Variants in SLC30A6 observed in about 807,000 individuals in gnomAD.
The protein encoded by SLC30A6 is zinc transporter 6.
SLC30A6 carries 55 observed loss-of-function variants against 63.0 expected under a neutral mutation model. The ratio of observed to expected loss-of-function variants is 0.87; its 90% CI spans 0.70 to 1.09. The LOEUF is 1.09. Ranked by LOEUF, SLC30A6 falls within the 50% of genes least tolerant of loss-of-function variation. The pLI is 0.00. For missense variants in SLC30A6, 587 were observed against 549.2 expected (o/e 1.07, Z -0.69); for synonymous variants, 224 against 186.1 (o/e 1.20, Z -1.66).
intron 4 of SLC30A6, among the ~76,000 whole-genome samples, chr2:32,178,391 G>T (rs370765434): frequency 2.0e-5 from 3 of 152,056 alleles, no homozygotes; most frequent in South Asian, 4.2e-4. Context: ...ACCAGTTCAC[G>T]GGCCAAGTGT....
chr2:32,186,661 C>T (rs978424623), intron 5 of SLC30A6, among the ~76,000 whole-genome samples: 2 of 150,678 alleles, frequency 1.3e-5, no homozygotes, highest in Non-Finnish European at 2.9e-5. Flanking sequence ...CACTGCACAC[C>T]AGCCTGGGTG....
intron 12 of SLC30A6, among the ~76,000 whole-genome samples, chr2:32,208,739 C>T (rs1000734687): frequency 2.0e-5 from 3 of 152,080 alleles, no homozygotes; most frequent in Non-Finnish European, 4.4e-5. Context: ...GACTCGAACT[C>T]CTGGCCTCAA....
chr2:32,210,659 G>A (rs886267631), intron 13 of SLC30A6, among the ~76,000 whole-genome samples: 1 of 151,336 alleles, frequency 6.6e-6, no homozygotes, highest in Non-Finnish European at 1.5e-5. Flanking sequence ...AACAGATAGG[G>A]TTTGATTTTT....
At chr2:32,186,032 T>A (rs999862299) in intron 5 of SLC30A6, among the ~76,000 whole-genome samples, 12 of 151,414 alleles carry the variant, frequency 7.9e-5, no homozygotes, top group African/African-American at 2.4e-4. Context: ...CACCCAGACT[T>A]TTTTTCTTTT....
In SLC30A6 at chr2:32,203,438, C is replaced by T. The variant is rs188308530; in HGVS notation, c.666-1152C>T. The T allele has an allele frequency of 4.0e-6, 6 of 1,504,504 alleles. No individual in the cohort carries two copies. In the African/African-American group the frequency reaches 8.2e-5, roughly 21 times the overall value. 93.2% of individuals were successfully genotyped at this position (1,504,504 alleles called of 1,614,324 possible). A position where few individuals can be genotyped will look rare whatever the true frequency, so the allele number is the denominator to read the frequency against. The stretch of plus-strand genomic sequence containing the variant: ...TTATGCTGCTGTTGATTTTTTCCAA[C>T]CATCAGCTCAGATACTGACAGAAGA... On this transcript the variant is annotated intron_variant, in intron 10 of 13. Transcript: ENST00000282587.
intron 5 of SLC30A6, among the ~76,000 whole-genome samples, chr2:32,191,704 C>T (rs999565766): frequency 1.3e-5 from 2 of 151,990 alleles, no homozygotes; most frequent in African/African-American, 4.8e-5. Flanking sequence ...TTTTCTTCTT[C>T]GTGTCCTAAA....
At position 32,222,736 on chromosome 2, in the gene SLC30A6, TG is replaced by T. The variant is rs1686207777; in HGVS notation, c.*2024del. 1 of 152,210 alleles carries T rather than the reference TG, an allele frequency of 6.6e-6. No individual in the cohort carries two copies. The highest frequency in any genetic ancestry group is 1.5e-5 in the Non-Finnish European group (1 of 68,042). 9.4% of individuals were successfully genotyped at this position (152,210 alleles called of 1,614,324 possible). A position where few individuals can be genotyped will look rare whatever the true frequency, so the allele number is the denominator to read the frequency against. On this transcript the variant is annotated 3_prime_UTR_variant, in exon 14 of 14. Coordinates refer to ENST00000282587, the MANE Select transcript of SLC30A6 (RefSeq NM_017964.5). The stretch of plus-strand genomic sequence containing the variant: ...TTATCTTATGTTTTCCAACTATTAC[TG>T]TATCTGTTATTGGTCTACTATTACA...
At position 32,209,500 on chromosome 2, in the gene SLC30A6, C is replaced by T. The variant is rs139073294; in HGVS notation, c.824C>T (p.Thr275Ile). The T allele has an allele frequency of 2.5e-5, 41 of 1,612,026 alleles. No individual in the cohort carries two copies. In the Admixed American group the frequency reaches 3.5e-4, roughly 14 times the overall value. Residue 275 changes from threonine (T) to isoleucine (I), a missense_variant, in exon 13 of 14, where the codon ACC becomes ATC. Thr to Ile is a moderately conservative substitution (Grantham distance 89, BLOSUM62 -1). Transcript: ENST00000282587. ...TCTTTCTGTTTTTGGTAGGTATCTA[C>T]CTTAGATGGAGTTTTAGAAGTCCGA... is the stretch of plus-strand genomic sequence containing the variant. ...QLDKLIREVS[T>I]LDGVLEVRNE...
intron 10 of SLC30A6, chr2:32,203,972 G>T (rs1376245410): frequency 2.7e-6 from 2 of 748,858 alleles, no homozygotes; most frequent in Non-Finnish European, 4.6e-6. Flanking sequence ...AATCGATCAA[G>T]AAGTGGGAGC....
chr2:32,213,561 T>TA (rs1279186956), intron 13 of SLC30A6, among the ~76,000 whole-genome samples: 1 of 152,134 alleles, frequency 6.6e-6, no homozygotes, highest in African/African-American at 2.4e-5. Flanking sequence ...TTGAAGGTCT[T>TA]ACACCTTTTA....
intron 13 of SLC30A6, 113 bp downstream of exon 13, chr2:32,209,674 T>G: frequency 1.2e-6 from 1 of 843,118 alleles, no homozygotes; most frequent in South Asian, 1.8e-5. Context: ...TTCCTAGTTA[T>G]GTTAAGCAGA....
chr2:32,203,864 G>A (rs1469117770), intron 10 of SLC30A6: 16 of 1,157,008 alleles, frequency 1.4e-5, no homozygotes, highest in Admixed American at 5.1e-5. Flanking sequence ...CAGTCGGGCC[G>A]ATCAGGTGGT....
chr2:32,197,424 A>G (rs1683891901), intron 9 of SLC30A6, 32 bp downstream of exon 9: 3 of 1,572,818 alleles, frequency 1.9e-6, no homozygotes, highest in Non-Finnish European at 1.7e-6. Context: ...TGATATGCAT[A>G]ATTTAAAGGA....
chr2:32,197,501 C>A, intron 9 of SLC30A6, 109 bp downstream of exon 9: 1 of 1,266,686 alleles, frequency 7.9e-7, no homozygotes, highest in Non-Finnish European at 1.1e-6. Context: ...ACGTGAATCA[C>A]ACAGGTCAGA....
At chr2:32,210,445 G>A (rs1283065591) in intron 13 of SLC30A6, among the ~76,000 whole-genome samples, 3 of 147,922 alleles carry the variant, frequency 2.0e-5, no homozygotes, top group Admixed American at 6.9e-5. Context: ...AACCCGGGAG[G>A]CAGAGGTTGC....
chr2:32,174,200 C>A (rs937801468), intron 3 of SLC30A6, 53 bp downstream of exon 3: 1 of 1,352,218 alleles, frequency 7.4e-7, no homozygotes. Context: ...TTATTTTTCT[C>A]ATTGGAAATA....
intron 13 of SLC30A6, among the ~76,000 whole-genome samples, chr2:32,218,813 T>C (rs1685924896): frequency 6.6e-6 from 1 of 152,126 alleles, no homozygotes; most frequent in Admixed American, 6.6e-5. Flanking sequence ...TGCCTTGGCC[T>C]CCCAAAGTGC....
intron 10 of SLC30A6, chr2:32,201,492 C>T: frequency 2.1e-6 from 1 of 466,276 alleles, no homozygotes. Context: ...AGTTGAATGA[C>T]ACACAGCCAC....
In SLC30A6 at chr2:32,192,914, A is replaced by G. The variant is rs777200677; in HGVS notation, c.366-4A>G. 3.3e-6 allele frequency: 5 copies of G among 1,504,438 alleles called. No individual in the cohort carries two copies. The African/African-American group carries it at 7.1e-5, about 21-fold the overall frequency. 93.2% of individuals were successfully genotyped at this position (1,504,438 alleles called of 1,614,324 possible). ...CTTATTTAATATATTTTTATTTCTT[A>G]TAGTGCAGAACGCTTTTTGGAACAG... On this transcript the variant is annotated splice_region_variant and splice_polypyrimidine_tract_variant and intron_variant, in intron 6 of 13. Coordinates refer to ENST00000282587, the MANE Select transcript of SLC30A6 (RefSeq NM_017964.5).
Sources: gnomAD v4.1 joint callset for allele counts (sites outside exome capture counted in the v4.1 genomes callset) on GRCh38, gnomAD v4.1.1 for gene constraint, MANE v1.5 for transcripts, NCBI Gene and HGNC (gene_info 2026-07-23, HGNC 2026-07-21) for gene names.